IL6: variants seen among roughly 807,000 people sequenced by gnomAD.
IL6 encodes interleukin-6.
Under a neutral mutation model 18.0 loss-of-function variants are expected in IL6, and 5 were observed. The observed-to-expected ratio is 0.28, with a 90% CI of 0.15 to 0.58. The LOEUF is 0.58. Among genes scored for constraint, IL6 ranks in the 20% least tolerant of loss-of-function variants. IL6 has a pLI of 0.90. For missense variants in IL6, 266 were observed against 251.0 expected, an observed-to-expected ratio of 1.06 and a Z score of -0.40; for synonymous variants, 97 against 95.1, an observed-to-expected ratio of 1.02 and a Z score of -0.12.
At chr7:22,728,508 G>A in intron 2 of IL6, 185 bp from the exon 3 acceptor site, 1 of 574,936 alleles carries the variant, frequency 1.7e-6, no homozygotes, top group Non-Finnish European at 3.1e-6. Flanking sequence ...AAAGTCACAG[G>A]TGAGCTTGGA....
chr7:22,730,370 G>A, intron 4 of IL6: 1 of 846,886 alleles, frequency 1.2e-6, no homozygotes, highest in Non-Finnish European at 1.4e-6. Context: ...GACTTAGCAA[G>A]CCTCGGGTGG....
intron 1 of IL6, 81 bp downstream of exon 1, chr7:22,727,362 G>C (rs922460894): frequency 6.2e-7 from 1 of 1,613,596 alleles, no homozygotes. Flanking sequence ...GGCCCAGGGA[G>C]GGCTGGCGGG....
intron 4 of IL6, chr7:22,729,956 G>T: frequency 7.4e-7 from 1 of 1,346,188 alleles, no homozygotes; most frequent in South Asian, 2.2e-5. Context: ...CGGGGGGGCG[G>T]GCAGAAAAAA....
At chr7:22,731,338 A>G (rs1385751929) in intron 4 of IL6, 68 bp from the exon 5 acceptor site, 10 of 1,259,120 alleles carry the variant, frequency 7.9e-6, no homozygotes, top group Non-Finnish European at 1.1e-5. Flanking sequence ...CATAGCCCAG[A>G]GCATCCCTCC....
At chr7:22,729,768 C>G in intron 4 of IL6, 108 bp downstream of exon 4, 1 of 1,585,022 alleles carries the variant, frequency 6.3e-7, no homozygotes, top group Non-Finnish European at 8.6e-7. Context: ...GAAGGCTACA[C>G]GTAAACAAAA....
At chr7:22,731,285 A>T in intron 4 of IL6, 121 bp from the exon 5 acceptor site, 1 of 697,982 alleles carries the variant, frequency 1.4e-6, no homozygotes, top group East Asian at 2.9e-5. Flanking sequence ...CAGGCACCCC[A>T]GTTAATCTCA....
In IL6 at chr7:22,727,540, T is replaced by C. The variant is rs769904935; in HGVS notation, c.116T>C (p.Val39Ala). ...PVPPGEDSKD[V>A]AAPHRQPLTS... ...CCCCCAGGAGAAGATTCCAAAGATG[T>C]AGCCGCCCCACACAGACAGCCACTC... The change falls in exon 2 of 5, where the codon GTA (valine) becomes GCA (alanine). Residue 39 changes from valine to alanine, a missense_variant. Transcript: ENST00000258743. The C allele has an allele frequency of 4.3e-6, 7 of 1,613,166 alleles. No individual in the cohort carries two copies. Among genetic ancestry groups the C allele is most frequent in the East Asian group, 4.5e-5 (2 of 44,876 alleles).
At chr7:22,727,774 C>T (rs1307202750) in intron 2 of IL6, 140 bp downstream of exon 2, 4 of 841,484 alleles carry the variant, frequency 4.8e-6, no homozygotes, top group Non-Finnish European at 7.1e-6. Context: ...ACGGGGCCGA[C>T]TAGACTGACT....
chr7:22,730,381 G>A (rs1784103444), intron 4 of IL6: 1 of 693,688 alleles, frequency 1.4e-6, no homozygotes, highest in Non-Finnish European at 1.8e-6. Flanking sequence ...CCTCGGGTGG[G>A]TTTGAGGGTC....
At chr7:22,729,947 G>A (rs1041312369) in intron 4 of IL6, 62 of 1,350,270 alleles carry the variant, frequency 4.6e-5, no homozygotes, top group Admixed American at 3.4e-4. Context: ...AACCAAAGGC[G>A]GGGGGGCGGG....
At position 22,729,176 on chromosome 7, in the gene IL6, C is replaced by G. The variant is rs56002924; in HGVS notation, c.325-338C>G. Among the ~76,000 whole-genome samples the G allele has an allele frequency of 2.1e-4, 32 of 152,270 alleles. 1 individual carries two copies. In the East Asian group the frequency reaches 6.2e-3, roughly 29 times the overall value. On this transcript the variant is annotated intron_variant, in intron 3 of 4. Transcript: ENST00000258743. ...AGCTCATTCTCCACAGTGAGATAAC[C>G]TGCACTGTCTTCTGATTATTTTATA...
At chr7:22,728,396 C>T in intron 2 of IL6, 1 of 361,772 alleles carries the variant, frequency 2.8e-6, no homozygotes, top group African/African-American at 2.0e-5. Context: ...CTACTGTGTG[C>T]CAGGCACTTT....
intron 4 of IL6, 102 bp downstream of exon 4, chr7:22,729,762 G>A: frequency 6.3e-7 from 1 of 1,593,278 alleles, no homozygotes; most frequent in Non-Finnish European, 8.6e-7. Flanking sequence ...AAAAGAGAAG[G>A]CTACACGTAA....
At chr7:22,729,375 C>G (rs1230175808) in intron 3 of IL6, 139 bp from the exon 4 acceptor site, 2 of 763,488 alleles carry the variant, frequency 2.6e-6, no homozygotes, top group African/African-American at 1.7e-5. Flanking sequence ...GTCCAATGTC[C>G]CAAAACATGC....
intron 4 of IL6, chr7:22,730,318 T>A: frequency 1.0e-6 from 1 of 979,368 alleles, no homozygotes; most frequent in Non-Finnish European, 1.2e-6. Flanking sequence ...TATGTTAACA[T>A]GCATGGGAAT....
chr7:22,731,341 A>G (rs1784120297), intron 4 of IL6, 65 bp from the exon 5 acceptor site: 11 of 1,274,998 alleles, frequency 8.6e-6, no homozygotes, highest in Non-Finnish European at 1.1e-5. Context: ...AGCCCAGAGC[A>G]TCCCTCCACT....
chr7:22,731,443 C>A lies in IL6; in HGVS notation c.509C>A (p.Thr170Asn), dbSNP rs1313886123. Residue 170 changes from threonine (T) to asparagine (N), a missense_variant, in exon 5 of 5, where the codon ACC (threonine) becomes AAC (asparagine). Thr to Asn is a moderately conservative substitution (Grantham distance 65). Coordinates refer to ENST00000258743, the MANE Select transcript of IL6 (RefSeq NM_000600.5). Reference sequence around the variant, plus strand: ...GATGCAATAACCACCCCTGACCCAACCACAAATGCCAGCCTGCTGACGAAG... The same window carrying A: ...GATGCAATAACCACCCCTGACCCAAACACAAATGCCAGCCTGCTGACGAAG... ...NLDAITTPDPTTNASLLTKLQ... is the reference protein window; with the variant it reads ...NLDAITTPDPNTNASLLTKLQ... The A allele has an allele frequency of 6.2e-7, 1 of 1,605,686 alleles. No homozygotes were observed. The highest frequency in any genetic ancestry group is 8.5e-7 in the Non-Finnish European group (1 of 1,174,076).
chr7:22,730,469 A>G (rs1784105519), intron 4 of IL6: 1 of 164,774 alleles, frequency 6.1e-6, no homozygotes, highest in South Asian at 2.0e-4. Context: ...GCCTTCCACA[A>G]GTTACTTATC....
At chr7:22,729,476 C>T in intron 3 of IL6, 38 bp from the exon 4 acceptor site, 1 of 1,593,300 alleles carries the variant, frequency 6.3e-7, no homozygotes, top group Non-Finnish European at 8.6e-7. Flanking sequence ...ATTCTATCTC[C>T]TGGCGATAAC....
Sources: gnomAD v4.1 joint callset for allele counts (sites outside exome capture counted in the v4.1 genomes callset) on GRCh38, gnomAD v4.1.1 for gene constraint, MANE v1.5 for transcripts, NCBI Gene and HGNC (gene_info 2026-07-23, HGNC 2026-07-21) for gene names.